Variants in CRMP1 observed in about 807,000 individuals in gnomAD.
CRMP1 encodes collapsin response mediator protein 1.
CRMP1 carries 19 observed loss-of-function variants against 68.3 expected under a neutral mutation model. The observed-to-expected ratio is 0.28, with a 90% CI of 0.19 to 0.41. CRMP1 has a LOEUF of 0.41. Ranked by LOEUF, CRMP1 falls within the 10% of genes least tolerant of loss-of-function variation. CRMP1 has a pLI of 1.00. For missense variants in CRMP1, 791 were observed against 967.4 expected, an observed-to-expected ratio of 0.82 and a Z score of 2.42; for synonymous variants, 439 against 399.6, an observed-to-expected ratio of 1.10 and a Z score of -1.18.
rs754012927 is a variant in CRMP1 at position 5,825,476 on chromosome 4, G to C, written c.1969+18C>G. 1 of 1,553,070 alleles carries C rather than the reference G, an allele frequency of 6.4e-7. No homozygotes were observed. The highest frequency in any genetic ancestry group is 1.2e-5 in the South Asian group (1 of 80,908). ...ACTGCTGCAATTGTGGGGAGCCTGG[G>C]CCACCACTCTTTCCTACCTGATAAG... On this transcript the variant is annotated intron_variant, in intron 13 of 13. Transcript: ENST00000324989. The surrounding 1 kb of genome is among the most constrained non-coding windows in gnomAD (Gnocchi z 4.4).
In CRMP1 at chr4:5,856,225, G is replaced by A; in HGVS notation, c.738C>T (p.Cys246=). The A allele has an allele frequency of 6.2e-7, 1 of 1,614,024 alleles. No individual in the cohort carries two copies. The highest frequency in any genetic ancestry group is 1.1e-5 in the South Asian group (1 of 91,080). ...TGTCCACGTGGAGGGAGTAATCACA[G>A]CAGGATTTGGTGTCAGCTGCTTCGT... ...KWHEAADTKS[C]CDYSLHVDIT... is the part of the protein sequence containing the mutation. The change falls in exon 4 of 14, where the codon TGC becomes TGT. Residue 246 remains cysteine, a synonymous_variant. Transcript: ENST00000324989.
chr4:5,869,614 G>C (rs1017743936), intron 1 of CRMP1, among the ~76,000 whole-genome samples: 1 of 149,618 alleles, frequency 6.7e-6, no homozygotes, highest in African/African-American at 2.5e-5. Flanking sequence ...AACCCGGAAC[G>C]CAGAGCTTGC....
At position 5,892,004 on chromosome 4, in the gene CRMP1, A is replaced by G. The variant is rs1257454150; in HGVS notation, c.381+585T>C. ...TTGAGGGTAGGGGTTTACGGCTCCA[A>G]CTGCCCGACGAACTAAATCCTTAAC... On this transcript the variant is annotated intron_variant, in intron 1 of 13. Transcript: ENST00000324989. This position sits in a 1 kb window ranked among gnomAD's most constrained non-coding sequence, Gnocchi z 8.6. 2.0e-5 allele frequency among the ~76,000 whole-genome samples: 3 copies of G among 152,138 alleles called. No homozygotes were observed. The highest frequency in any genetic ancestry group is 7.2e-5 in the African/African-American group (3 of 41,420).
chr4:5,824,633 T>C (rs1025316748), intron 13 of CRMP1: 16 of 955,288 alleles, frequency 1.7e-5, no homozygotes, highest in Non-Finnish European at 1.9e-5. Flanking sequence ...AGTTTGTACA[T>C]TTTCAAATGG....
chr4:5,853,288 C>A lies in CRMP1; in HGVS notation c.821-1819G>T, dbSNP rs1712801535. ...ATTAGCCGGGTGTGGTGGCAGGTGC[C>A]TGTAATCCAAGCTACTTGGGAGGCT... On this transcript the variant is annotated intron_variant, in intron 4 of 13. Transcript: ENST00000324989. The surrounding 1 kb of genome is among the most constrained non-coding windows in gnomAD (Gnocchi z 4.7). 6.6e-6 allele frequency among the ~76,000 whole-genome samples: 1 copy of A among 152,124 alleles called. No homozygotes were observed. Among genetic ancestry groups the A allele is most frequent in the Non-Finnish European group, 1.5e-5 (1 of 68,032 alleles).
chr4:5,839,558 G>A lies in CRMP1; in HGVS notation c.1274C>T (p.Pro425Leu), dbSNP rs956794431. The A allele has an allele frequency of 1.2e-6, 2 of 1,611,826 alleles. No individual in the cohort carries two copies. Among genetic ancestry groups the A allele is most frequent in the Non-Finnish European group, 1.7e-6 (2 of 1,179,132 alleles). The change falls in exon 9 of 14, where the codon CCT becomes CTT. Residue 425 changes from proline to leucine, a missense_variant. Around this residue, in one of 3 missense-constraint regions of CRMP1, gnomAD observed 594 missense variants for 763.6 expected, o/e 0.78. Coordinates refer to ENST00000324989, the MANE Select transcript of CRMP1 (RefSeq NM_001014809.3). ...FVTSPPLSPD[P>L]TTPDYLTSLL... Reference sequence around the variant, plus strand: ...GGAGGTCAAGTAGTCGGGCGTGGTAGGGTCCGGGCTCAGGGGAGGGGAAGT... The same window carrying A: ...GGAGGTCAAGTAGTCGGGCGTGGTAAGGTCCGGGCTCAGGGGAGGGGAAGT...
At chr4:5,849,182 A>G (rs1470383472) in intron 6 of CRMP1, among the ~76,000 whole-genome samples, 3 of 152,222 alleles carry the variant, frequency 2.0e-5, no homozygotes, top group Non-Finnish European at 2.9e-5. Flanking sequence ...GAAGACAATG[A>G]GGAACACCAG....
intron 6 of CRMP1, among the ~76,000 whole-genome samples, chr4:5,848,542 A>C (rs568068980): frequency 6.6e-6 from 1 of 152,334 alleles, no homozygotes; most frequent in African/African-American, 2.4e-5. Context: ...AATTATCAAA[A>C]TATGTTCATG....
Position 5,888,282 on chromosome 4 carries a change from C to G in CRMP1, c.381+4307G>C. ...GGTACGACATGGCCCCCTCTGGCGCCCTCGGCCCGGCCGCTGACCTGCGGG... is the reference window on the plus strand; with the variant it reads ...GGTACGACATGGCCCCCTCTGGCGCGCTCGGCCCGGCCGCTGACCTGCGGG... On this transcript the variant is annotated intron_variant, in intron 1 of 13. Transcript: ENST00000324989. The surrounding 1 kb of genome is among the most constrained non-coding windows in gnomAD (Gnocchi z 6.4). 3 of 1,270,674 alleles carry G rather than the reference C, an allele frequency of 2.4e-6. No individual in the cohort carries two copies. Among genetic ancestry groups the G allele is most frequent in the Non-Finnish European group, 3.0e-6 (3 of 1,001,770 alleles). 78.7% of individuals were successfully genotyped at this position (1,270,674 alleles called of 1,614,324 possible). A position where few individuals can be genotyped will look rare whatever the true frequency, so the allele number is the denominator to read the frequency against.
intron 1 of CRMP1, among the ~76,000 whole-genome samples, chr4:5,886,856 G>C (rs1029109516): frequency 1.3e-5 from 2 of 152,216 alleles, no homozygotes; most frequent in Non-Finnish European, 2.9e-5. Context: ...TAGTGTTTAC[G>C]AATGGGCCGC....
At position 5,843,045 on chromosome 4, in the gene CRMP1, T is replaced by C. The variant is rs547940125; in HGVS notation, c.1032+48A>G. The C allele has an allele frequency of 2.2e-5, 34 of 1,566,746 alleles. No individual in the cohort carries two copies. In the East Asian group the frequency reaches 7.2e-4, roughly 33 times the overall value. The stretch of plus-strand genomic sequence containing the variant: ...CCAGCTGGAACAGCATCAAGGTGAG[T>C]GCTCAGTGGTGAGTGTCAGAGTCAT... On this transcript the variant is annotated intron_variant, in intron 7 of 13. Coordinates refer to ENST00000324989, the MANE Select transcript of CRMP1 (RefSeq NM_001014809.3). The surrounding 1 kb of genome is among the most constrained non-coding windows in gnomAD (Gnocchi z 4.1).
At chr4:5,822,375 A>T (rs976209171) in intron 13 of CRMP1, among the ~76,000 whole-genome samples, 1 of 151,786 alleles carries the variant, frequency 6.6e-6, no homozygotes, top group Admixed American at 6.6e-5. Flanking sequence ...CACACTCCAA[A>T]GGTATTTTAC....
intron 1 of CRMP1, among the ~76,000 whole-genome samples, chr4:5,878,668 A>C (rs915129719): frequency 1.3e-5 from 2 of 152,166 alleles, no homozygotes; most frequent in Non-Finnish European, 2.9e-5. Flanking sequence ...CCTAGGCTCT[A>C]ACGTGGCCCC....
In CRMP1 at chr4:5,858,780, T is replaced by C. The variant is rs972681129; in HGVS notation, c.655+2246A>G. Among the ~76,000 whole-genome samples, 28 of 152,104 alleles carry C rather than the reference T, an allele frequency of 1.8e-4. No individual in the cohort carries two copies. Among genetic ancestry groups the C allele is most frequent in the Admixed American group, 4.6e-4 (7 of 15,262 alleles). On this transcript the variant is annotated intron_variant, in intron 3 of 13. Coordinates refer to ENST00000324989, the MANE Select transcript of CRMP1 (RefSeq NM_001014809.3). This position sits in a 1 kb window ranked among gnomAD's most constrained non-coding sequence, Gnocchi z 5.5. ...CTCATCAGGCCATCGAGGCCCAGGGTTGTCCTCTCCTTCCAGCCTTGCCTC... is the reference window on the plus strand; with the variant it reads ...CTCATCAGGCCATCGAGGCCCAGGGCTGTCCTCTCCTTCCAGCCTTGCCTC...
At chr4:5,849,334 C>G (rs1034745810) in intron 6 of CRMP1, 58 bp downstream of exon 6, 17 of 1,425,778 alleles carry the variant, frequency 1.2e-5, no homozygotes, top group African/African-American at 2.8e-5. Context: ...TTTATCAAAC[C>G]TTTTGCAACA....
Position 5,883,205 on chromosome 4 carries a change from C to G in CRMP1, c.381+9384G>C, listed in dbSNP as rs1715322452. ...TCTCTTCTCTGAATTCCTCTGACACCTGTGCCCTGTTCCGCAGCCTGCCTG... is the reference window on the plus strand; with the variant it reads ...TCTCTTCTCTGAATTCCTCTGACACGTGTGCCCTGTTCCGCAGCCTGCCTG... On this transcript the variant is annotated intron_variant, in intron 1 of 13. Transcript: ENST00000324989. This position sits in a 1 kb window ranked among gnomAD's most constrained non-coding sequence, Gnocchi z 4.5. 6.6e-6 allele frequency among the ~76,000 whole-genome samples: 1 copy of G among 151,584 alleles called. No homozygotes were observed. Among genetic ancestry groups the G allele is most frequent in the Admixed American group, 6.6e-5 (1 of 15,246 alleles).
At chr4:5,828,402 C>T (rs1292920372) in intron 12 of CRMP1, 87 bp downstream of exon 12, 1 of 1,520,372 alleles carries the variant, frequency 6.6e-7, no homozygotes, top group Non-Finnish European at 8.8e-7. Context: ...ACATTATTAA[C>T]TCTGCACACG....
chr4:5,825,676 A>G lies in CRMP1; in HGVS notation c.1804-17T>C. On this transcript the variant is annotated splice_polypyrimidine_tract_variant and intron_variant, in intron 12 of 13. Transcript: ENST00000324989. The surrounding 1 kb of genome is among the most constrained non-coding windows in gnomAD (Gnocchi z 4.4). ...TCCAAAAACCTAAACAGAGGAAGGG[A>G]GAGTGTGATTGATCGACACTGTGCA... 2 of 1,611,568 alleles carry G rather than the reference A, an allele frequency of 1.2e-6. No homozygotes were observed. The highest frequency in any genetic ancestry group is 1.7e-6 in the Non-Finnish European group (2 of 1,178,772).
At position 5,855,991 on chromosome 4, in the gene CRMP1, C is replaced by G. The variant is rs1713025748; in HGVS notation, c.820+152G>C. On this transcript the variant is annotated intron_variant, in intron 4 of 13. Coordinates refer to ENST00000324989, the MANE Select transcript of CRMP1 (RefSeq NM_001014809.3). The surrounding 1 kb of genome is among the most constrained non-coding windows in gnomAD (Gnocchi z 4.9). ...GAAAAGGATGGACTCTGTAAAGGGA[C>G]TGGCCTGTTTCCTCACTGTCACGTG... is the stretch of plus-strand genomic sequence containing the variant. The G allele has an allele frequency of 1.1e-5, 9 of 834,880 alleles. No individual in the cohort carries two copies. In the South Asian group the frequency reaches 1.6e-4, roughly 15 times the overall value. 51.7% of individuals were successfully genotyped at this position (834,880 alleles called of 1,614,324 possible).
Sources: allele counts gnomAD v4.1 joint callset (sites outside exome capture counted in the v4.1 genomes callset), GRCh38; gene constraint gnomAD v4.1.1; regional missense constraint gnomAD v4.1.1; non-coding constraint Gnocchi (gnomAD v3.1); transcripts MANE v1.5; gene names NCBI Gene and HGNC (gene_info 2026-07-23, HGNC 2026-07-21).